Variants in STPG2 observed in about 807,000 individuals in gnomAD.
STPG2 encodes the protein sperm tail PG-rich repeat containing 2.
STPG2 carries 56 observed loss-of-function variants against 54.2 expected under a neutral mutation model. The observed-to-expected ratio is 1.03, with a 90% confidence interval of 0.83 to 1.29. The LOEUF (loss-of-function observed/expected upper bound fraction) is 1.29, where lower values mean the gene tolerates loss of function less well. Ranked by LOEUF, STPG2 falls within the 50% of genes most tolerant of loss-of-function variation. The pLI, the probability that STPG2 is intolerant of heterozygous loss-of-function variation, is 0.00. For synonymous variants in STPG2, 200 were observed against 181.8 expected (o/e 1.10, Z -0.81); for missense variants, 596 against 544.9 (o/e 1.09, Z -0.93).
intron 4 of STPG2, among the ~76,000 whole-genome samples, chr4:97,501,302 G>A (rs1467858094): frequency 1.3e-5 from 2 of 151,960 alleles, no homozygotes; most frequent in African/African-American, 4.8e-5. Context: ...GAGCCAAGCT[G>A]CTCATTTTAA....
chr4:97,909,131 CAG>C (rs967630483), intron 8 of STPG2, among the ~76,000 whole-genome samples: 4 of 150,532 alleles, frequency 2.7e-5, no homozygotes, highest in African/African-American at 7.3e-5. Flanking sequence ...CAAAAACAAA[CAG>C]AAAGAGTGAA....
chr4:97,497,882 C>A (rs1730644340), intron 4 of STPG2, among the ~76,000 whole-genome samples: 1 of 151,746 alleles, frequency 6.6e-6, no homozygotes, highest in Non-Finnish European at 1.5e-5. Context: ...CCTAGGTTTT[C>A]TATTATTTAT....
chr4:97,509,677 A>G (rs1730930365), intron 4 of STPG2, among the ~76,000 whole-genome samples: 2 of 152,120 alleles, frequency 1.3e-5, no homozygotes, highest in African/African-American at 4.8e-5. Flanking sequence ...ATTATGGAAT[A>G]TAAGGGAAAA....
At chr4:97,706,460 G>A (rs1470242530) in intron 10 of STPG2, among the ~76,000 whole-genome samples, 1 of 152,166 alleles carries the variant, frequency 6.6e-6, no homozygotes, top group Non-Finnish European at 1.5e-5. Context: ...CAAGAAGACA[G>A]CTGTCTGTGA....
intron 4 of STPG2, among the ~76,000 whole-genome samples, chr4:97,519,907 G>A (rs535151335): frequency 6.6e-6 from 1 of 152,148 alleles, no homozygotes; most frequent in Non-Finnish European, 1.5e-5. Flanking sequence ...CTCTTGAGTC[G>A]AAATGTCCAT....
intron 4 of STPG2, among the ~76,000 whole-genome samples, chr4:97,514,498 T>G (rs1033685615): frequency 6.6e-6 from 1 of 152,152 alleles, no homozygotes; most frequent in Admixed American, 6.6e-5. Flanking sequence ...AGACTTCTAA[T>G]TTCTCATGAA....
At chr4:97,861,759 C>G (rs1029954836) in intron 8 of STPG2, among the ~76,000 whole-genome samples, 9 of 152,146 alleles carry the variant, frequency 5.9e-5, no homozygotes, top group East Asian at 1.9e-4. Flanking sequence ...GAGAGTGGGG[C>G]CCAATATTCA....
At chr4:97,740,515 C>T (rs1381673717) in intron 9 of STPG2, among the ~76,000 whole-genome samples, 1 of 152,092 alleles carries the variant, frequency 6.6e-6, no homozygotes, top group African/African-American at 2.4e-5. Context: ...TCAGCAAAGT[C>T]TCAGGATACA....
chr4:98,095,445 C>T (rs1402287412), intron 5 of STPG2, among the ~76,000 whole-genome samples: 1 of 152,066 alleles, frequency 6.6e-6, no homozygotes, highest in African/African-American at 2.4e-5. Context: ...TATAAAGATG[C>T]ACAGAGACTG....
intron 8 of STPG2, among the ~76,000 whole-genome samples, chr4:97,884,054 A>G (rs1031768764): frequency 6.6e-6 from 1 of 152,140 alleles, no homozygotes; most frequent in Non-Finnish European, 1.5e-5. Flanking sequence ...CAAGGAGTCC[A>G]CAATACGTTC....
At chr4:98,130,165 T>C (rs1327107345) in intron 2 of STPG2, among the ~76,000 whole-genome samples, 2 of 151,624 alleles carry the variant, frequency 1.3e-5, no homozygotes, top group African/African-American at 2.4e-5. Context: ...CAGTCGTTTT[T>C]CTTTTTTAAT....
chr4:98,004,046 T>C (rs968784627), intron 5 of STPG2, among the ~76,000 whole-genome samples: 2 of 48,992 alleles, frequency 4.1e-5, no homozygotes, highest in African/African-American at 1.0e-4. Flanking sequence ...AGCTACTCTT[T>C]TAGCAACTTT....
intron 5 of STPG2, among the ~76,000 whole-genome samples, chr4:97,988,671 A>G (rs192885224): frequency 1.2e-4 from 18 of 152,316 alleles, no homozygotes; most frequent in Non-Finnish European, 2.6e-4. Flanking sequence ...CAGTGGCCCA[A>G]TCTCATCTCA....
At chr4:97,886,155 C>T (rs1730561586) in intron 8 of STPG2, among the ~76,000 whole-genome samples, 1 of 152,004 alleles carries the variant, frequency 6.6e-6, no homozygotes, top group African/African-American at 2.4e-5. Flanking sequence ...ATGTAAAGAG[C>T]ATAGTACTCA....
chr4:98,011,602 C>G (rs1161703167), intron 5 of STPG2, among the ~76,000 whole-genome samples: 1 of 152,200 alleles, frequency 6.6e-6, no homozygotes, highest in African/African-American at 2.4e-5. Context: ...TCCTACTTTT[C>G]CACAGCCTCA....
intron 9 of STPG2, among the ~76,000 whole-genome samples, chr4:97,779,862 T>G (rs1726543827): frequency 6.6e-6 from 1 of 152,040 alleles, no homozygotes; most frequent in South Asian, 2.1e-4. Flanking sequence ...AATAAAATCC[T>G]TTACAGACAA....
Position 97,545,016 on chromosome 4 carries a change from C to T in STPG2, c.462+167683G>A, listed in dbSNP as rs567577026. Among the ~76,000 whole-genome samples, 5 of 152,148 alleles carry T rather than the reference C, an allele frequency of 3.3e-5. No homozygotes were observed. In the East Asian group the frequency reaches 5.8e-4, roughly 18 times the overall value. ...CTAGAGAGTGCTTCTCCAATTTTAA[C>T]GGGCAAGTAATCAATAAGATTATTG... On this transcript the variant is annotated intron_variant, in intron 4 of 4. Transcript: ENST00000522676.
intron 8 of STPG2, among the ~76,000 whole-genome samples, chr4:97,865,689 C>T (rs983677610): frequency 1.4e-4 from 21 of 150,506 alleles, no homozygotes; most frequent in Admixed American, 8.0e-4. Flanking sequence ...CATGACACAT[C>T]GGGGCCTGTT....
chr4:97,839,738 T>C (rs567538513), intron 9 of STPG2, among the ~76,000 whole-genome samples: 7 of 151,808 alleles, frequency 4.6e-5, no homozygotes, highest in African/African-American at 1.7e-4. Context: ...GCAATATGCC[T>C]GATTCTTAAA....
Sources: gnomAD v4.1 joint callset for allele counts (sites outside exome capture counted in the v4.1 genomes callset) on GRCh38, gnomAD v4.1.1 for gene constraint, MANE v1.5 for transcripts, NCBI Gene and HGNC (gene_info 2026-07-23, HGNC 2026-07-21) for gene names.